CAV2: variants seen among roughly 807,000 people sequenced by gnomAD.
CAV2 encodes caveolin 2.
Under a neutral mutation model 15.5 loss-of-function variants are expected in CAV2, and 7 were observed. The ratio of observed to expected loss-of-function variants is 0.45; its 90% CI spans 0.26 to 0.85. The LOEUF (loss-of-function observed/expected upper bound fraction) is 0.85, where lower values mean the gene tolerates loss of function less well. Among genes scored for constraint, CAV2 ranks in the 40% least tolerant of loss-of-function variants. The pLI is 0.18. For missense variants in CAV2, 229 were observed against 208.8 expected (o/e 1.10, Z -0.60); for synonymous variants, 76 against 83.1 (o/e 0.91, Z 0.46).
chr7:116,499,998 C>T, intron 1 of CAV2, 67 bp downstream of exon 1: 9 of 1,555,624 alleles, frequency 5.8e-6, no homozygotes, highest in Non-Finnish European at 7.8e-6. Context: ...CCCTCAGCCC[C>T]GCCCTAACCC....
rs556817971 is a variant in CAV2, at chr7:116,506,018, T to G, written c.386T>G (p.Val129Gly). ...ACCTGCCTAATGGTTCTGCCTTCAG[T>G]GCAGACAATATGGAAGAGTGTGACA... ...VKTCLMVLPS[V>G]QTIWKSVTDV... The change falls in exon 3 of 3, where the codon GTG (valine) becomes GGG (glycine). Residue 129 changes from valine to glycine, a missense_variant. Transcript: ENST00000222693. The G allele has an allele frequency of 4.3e-6, 7 of 1,613,778 alleles. No individual in the cohort carries two copies. Among genetic ancestry groups the G allele is most frequent in the African/African-American group, 4.0e-5 (3 of 75,042 alleles).
intron 2 of CAV2, chr7:116,500,696 T>A (rs1793083680): frequency 6.2e-6 from 3 of 483,658 alleles, no homozygotes; most frequent in Non-Finnish European, 1.1e-5. Context: ...CTTGCATACA[T>A]AAGGCTGGGC....
chr7:116,503,903 G>GGAAGGA (rs1793163381), intron 2 of CAV2, among the ~76,000 whole-genome samples: 5 of 29,532 alleles, frequency 1.7e-4, no homozygotes, highest in African/African-American at 4.3e-4. Context: ...GGGAGGGAGG[G>GGAAGGA]AGGGAGGGAG....
At position 116,499,741 on chromosome 7, in the gene CAV2, C is replaced by T. The variant is rs1254265499; in HGVS notation, c.-41C>T. 1 of 1,462,128 alleles carries T rather than the reference C, an allele frequency of 6.8e-7. No homozygotes were observed. The highest frequency in any genetic ancestry group is 1.3e-5 in the South Asian group (1 of 74,202). The allele number at this position is 1,462,128 out of a possible 1,614,324, so 90.6% of individuals were successfully genotyped here. A position where few individuals can be genotyped will look rare whatever the true frequency, so the allele number is the denominator to read the frequency against. ...GAGGCCGCGCGGACCGGGAGCCGCA[C>T]CGCGCCAGCCGGGCTGCAGCGGCCG... On this transcript the variant is annotated 5_prime_UTR_variant, in exon 1 of 3. Coordinates refer to ENST00000222693, the MANE Select transcript of CAV2 (RefSeq NM_001233.5).
At position 116,499,899 on chromosome 7, in the gene CAV2, C is replaced by A; in HGVS notation, c.118C>A (p.Arg40=). The change falls in exon 1 of 3, where the codon CGG becomes AGG. Residue 40 remains arginine (R), a synonymous_variant. Coordinates refer to ENST00000222693, the MANE Select transcript of CAV2 (RefSeq NM_001233.5). ...GAAGTTCGCGGACTCGGACCAGGAC[C>A]GGGATCCCCACCGGCTCAACTCGCA... ...PEKFADSDQD[R]DPHRLNSHLK... is the part of the protein sequence containing the mutation. 6.2e-7 allele frequency: 1 copy of A among 1,612,160 alleles called. No individual in the cohort carries two copies. The highest frequency in any genetic ancestry group is 8.5e-7 in the Non-Finnish European group (1 of 1,179,508).
chr7:116,501,499 T>G (rs1313985653), intron 2 of CAV2, among the ~76,000 whole-genome samples: 1 of 152,258 alleles, frequency 6.6e-6, no homozygotes, highest in African/African-American at 2.4e-5. Context: ...CTATACCACC[T>G]GAATCTTAAT....
At position 116,500,286 on chromosome 7, in the gene CAV2, GC is replaced by G. The variant is rs778273717; in HGVS notation, c.179del (p.Pro60ArgfsTer2). On this transcript the variant is annotated frameshift_variant, in exon 2 of 3. Transcript: ENST00000222693. LOFTEE classifies it high-confidence loss of function. ...TGGGCTTCGAGGATGTGATCGCAGA[GC>G]CGGTGACTACGCACTCCTTTGACAA... Reference protein sequence around the residue: ...KLGFEDVIAEPVTTHSFDKVW... With the variant: ...KLGFEDVIAEXVTTHSFDKVW... The G allele has an allele frequency of 1.2e-6, 2 of 1,614,068 alleles. No homozygotes were observed. Among genetic ancestry groups the G allele is most frequent in the Non-Finnish European group, 1.7e-6 (2 of 1,180,014 alleles).
chr7:116,502,149 G>C (rs1231391814), intron 2 of CAV2, among the ~76,000 whole-genome samples: 1 of 151,536 alleles, frequency 6.6e-6, no homozygotes, highest in Non-Finnish European at 1.5e-5. Flanking sequence ...GCTTCCCAAA[G>C]CTTTTGTGAA....
intron 2 of CAV2, among the ~76,000 whole-genome samples, chr7:116,503,895 G>GAGGGAGGGAGGGAGGA (rs1793162267): frequency 1.8e-5 from 1 of 56,756 alleles, no homozygotes; most frequent in Non-Finnish European, 3.5e-5. Context: ...GAGAGGGAGG[G>GAGGGAGGGAGGGAGGA]AGGGAGGGAG....
Position 116,507,712 on chromosome 7 carries a change from T to C in CAV2, c.*1591T>C, listed in dbSNP as rs2115867769. On this transcript the variant is annotated 3_prime_UTR_variant, in exon 3 of 3. Coordinates refer to ENST00000222693, the MANE Select transcript of CAV2 (RefSeq NM_001233.5). ...AAAAGAAAAAAAGAAAAAAGAAAAA[T>C]CTCATTATTTCAAAATGATAGACAT... The C allele has an allele frequency of 6.6e-6, 1 of 151,040 alleles. No individual in the cohort carries two copies. Among genetic ancestry groups the C allele is most frequent in the South Asian group, 2.1e-4 (1 of 4,752 alleles). 9.4% of individuals were successfully genotyped at this position (151,040 alleles called of 1,614,324 possible).
chr7:116,503,103 T>C (rs1793141019), intron 2 of CAV2, among the ~76,000 whole-genome samples: 1 of 151,482 alleles, frequency 6.6e-6, no homozygotes, highest in South Asian at 2.1e-4. Context: ...CTCTATCCTA[T>C]GGCCTTATTA....
rs1170099821 is a variant in CAV2, at chr7:116,506,423, T to G, written c.*302T>G. Reference sequence around the variant, plus strand: ...TATACATTTTATAATGATGAACTTATAATGATTAAGGGACATTTCTATAAA... The same window carrying G: ...TATACATTTTATAATGATGAACTTAGAATGATTAAGGGACATTTCTATAAA... On this transcript the variant is annotated 3_prime_UTR_variant, in exon 3 of 3. Transcript: ENST00000222693. The G allele has an allele frequency of 1.6e-5, 4 of 251,628 alleles. No homozygotes were observed. The highest frequency in any genetic ancestry group is 2.3e-5 in the Non-Finnish European group (3 of 133,326). The allele number at this position is 251,628 out of a possible 1,614,324, so 15.6% of individuals were successfully genotyped here.
chr7:116,500,224 C>G lies in CAV2; in HGVS notation c.151-36C>G, dbSNP rs771929848. The G allele has an allele frequency of 1.1e-5, 18 of 1,597,632 alleles. No individual in the cohort carries two copies. In the Admixed American group the frequency reaches 3.1e-4, roughly 27 times the overall value. ...CCCGGTTCCCGGGGCGTCAGGTTGGCTGACAGTTCGGGGTCCCTGCGTCCT... is the reference window on the plus strand; with the variant it reads ...CCCGGTTCCCGGGGCGTCAGGTTGGGTGACAGTTCGGGGTCCCTGCGTCCT... On this transcript the variant is annotated intron_variant, in intron 1 of 2. Transcript: ENST00000222693.
In CAV2 at chr7:116,500,268, C is replaced by G; in HGVS notation, c.159C>G (p.Phe53Leu). ...HRLNSHLKLG[F>L]EDVIAEPVTT... is the part of the protein sequence containing the mutation. The stretch of plus-strand genomic sequence containing the variant: ...GCGTCCTGTCTCCTCAGCTGGGCTT[C>G]GAGGATGTGATCGCAGAGCCGGTGA... Residue 53 changes from phenylalanine to leucine, a missense_variant, in exon 2 of 3, where the codon TTC (phenylalanine) becomes TTG (leucine). Transcript: ENST00000222693. 6.2e-7 allele frequency: 1 copy of G among 1,613,720 alleles called. No individual in the cohort carries two copies. The highest frequency in any genetic ancestry group is 8.5e-7 in the Non-Finnish European group (1 of 1,179,762).
intron 2 of CAV2, among the ~76,000 whole-genome samples, chr7:116,503,350 A>G (rs1019988267): frequency 2.0e-5 from 3 of 152,126 alleles, no homozygotes; most frequent in African/African-American, 7.2e-5. Context: ...AGGGAACACA[A>G]GTAAACAAAA....
Position 116,506,214 on chromosome 7 carries a change from G to C in CAV2, c.*93G>C, listed in dbSNP as rs1793236617. The C allele has an allele frequency of 8.0e-7, 1 of 1,253,424 alleles. No individual in the cohort carries two copies. The highest frequency in any genetic ancestry group is 1.5e-5 in the African/African-American group (1 of 66,314). 77.6% of individuals were successfully genotyped at this position (1,253,424 alleles called of 1,614,324 possible). ...CCACTGTTCTGTTCATTTCCTAGCT[G>C]TTCTAATTAAGAAAACTATTAAGAT... is the stretch of plus-strand genomic sequence containing the variant. On this transcript the variant is annotated 3_prime_UTR_variant, in exon 3 of 3. Transcript: ENST00000222693.
Position 116,500,454 on chromosome 7 carries a change from CG to C in CAV2, c.338+11del, listed in dbSNP as rs3214317. 135,291 of 1,609,484 alleles carry C rather than the reference CG, an allele frequency of 0.084. 6,805 individuals are homozygous for C. The highest frequency in any genetic ancestry group is 0.19 in the East Asian group (8,385 of 44,834). ...TCAGCTGTCTGCACATCTGGTGAGA[CG>C]GGGCACACCGGGTGGACCGGCTTTC... On this transcript the variant is annotated splice_region_variant and intron_variant, in intron 2 of 2. Transcript: ENST00000222693.
chr7:116,501,943 A>T (rs1454400365), intron 2 of CAV2, among the ~76,000 whole-genome samples: 1 of 152,050 alleles, frequency 6.6e-6, no homozygotes, highest in African/African-American at 2.4e-5. Flanking sequence ...TTGCACTTGA[A>T]TTTTTTTTAA....
At chr7:116,503,786 C>T (rs1793156599) in intron 2 of CAV2, among the ~76,000 whole-genome samples, 1 of 150,958 alleles carries the variant, frequency 6.6e-6, no homozygotes, top group South Asian at 2.1e-4. Context: ...GCCGAGATCA[C>T]TTCACTGCTC....
Sources: allele counts gnomAD v4.1 joint callset (sites outside exome capture counted in the v4.1 genomes callset), GRCh38; gene constraint gnomAD v4.1.1; transcripts MANE v1.5; gene names NCBI Gene and HGNC (gene_info 2026-07-23, HGNC 2026-07-21).